INPP5B: variants seen among roughly 807,000 people sequenced by gnomAD.
The protein encoded by INPP5B is inositol polyphosphate-5-phosphatase B.
A neutral mutation model predicts 118.5 loss-of-function variants in INPP5B; 90 were observed. That is an observed-to-expected ratio of 0.76 (90% CI 0.64 to 0.90). The LOEUF (loss-of-function observed/expected upper bound fraction) is 0.90, where lower values mean the gene tolerates loss of function less well. INPP5B is among the 40% of genes least tolerant of loss of function. The pLI, the probability that INPP5B is intolerant of heterozygous loss-of-function variation, is 0.00. For missense variants in INPP5B, 984 were observed against 1,125.6 expected (o/e 0.87, Z 1.80); for synonymous variants, 385 against 418.9 (o/e 0.92, Z 0.99).
chr1:37,887,105 C>A, intron 11 of INPP5B, 101 bp from the exon 12 acceptor site: 1 of 928,824 alleles, frequency 1.1e-6, no homozygotes, highest in South Asian at 1.5e-5. Flanking sequence ...TCACGTGTCT[C>A]CTTCTCCACA....
chr1:37,875,129 C>T (rs1294239436), intron 17 of INPP5B, among the ~76,000 whole-genome samples: 1 of 152,188 alleles, frequency 6.6e-6, no homozygotes, highest in South Asian at 2.1e-4. Flanking sequence ...CCTCTCTCTT[C>T]TCAGCTAACA....
chr1:37,919,292 G>A (rs1644975072), intron 7 of INPP5B, among the ~76,000 whole-genome samples: 1 of 152,124 alleles, frequency 6.6e-6, no homozygotes, highest in South Asian at 2.1e-4. Flanking sequence ...CTAGGAGGAG[G>A]TGTCCCCTCC....
chr1:37,863,739 G>A (rs773694253), intron 23 of INPP5B, among the ~76,000 whole-genome samples: 70 of 150,862 alleles, frequency 4.6e-4, no homozygotes, highest in African/African-American at 1.5e-3. Context: ...ACAAAACCAC[G>A]GTATTATAAT....
chr1:37,891,556 CCT>C (rs1643846762), intron 7 of INPP5B, 102 bp from the exon 8 acceptor site: 1 of 744,790 alleles, frequency 1.3e-6, no homozygotes, highest in African/African-American at 1.8e-5. Flanking sequence ...AGGTGGATCA[CCT>C]GAGGTCGGGA....
intron 17 of INPP5B, among the ~76,000 whole-genome samples, chr1:37,875,160 A>G (rs979862335): frequency 6.6e-6 from 1 of 152,220 alleles, no homozygotes; most frequent in African/African-American, 2.4e-5. Context: ...CACTTTATCG[A>G]AAAGCAGTCT....
intron 7 of INPP5B, among the ~76,000 whole-genome samples, chr1:37,919,999 G>A (rs1645000115): frequency 6.6e-6 from 1 of 152,152 alleles, no homozygotes. Context: ...TACGTATTGA[G>A]CACTGTTTAA....
intron 14 of INPP5B, among the ~76,000 whole-genome samples, chr1:37,881,956 G>A (rs939370939): frequency 2.6e-5 from 4 of 152,038 alleles, no homozygotes; most frequent in African/African-American, 4.8e-5. Context: ...AAAATTAGCC[G>A]GGCATACTGG....
At chr1:37,942,754 C>G (rs1645979562) in intron 5 of INPP5B, among the ~76,000 whole-genome samples, 1 of 151,814 alleles carries the variant, frequency 6.6e-6, no homozygotes, top group Non-Finnish European at 1.5e-5. Flanking sequence ...GCAGAAAATA[C>G]AAAAATTAGC....
At chr1:37,913,214 G>A (rs1202328576) in intron 7 of INPP5B, among the ~76,000 whole-genome samples, 3 of 152,096 alleles carry the variant, frequency 2.0e-5, no homozygotes, top group Admixed American at 6.6e-5. Context: ...CCGAGATCAC[G>A]CCACTGCACT....
intron 19 of INPP5B, among the ~76,000 whole-genome samples, chr1:37,869,273 G>A (rs978857495): frequency 1.3e-5 from 2 of 151,606 alleles, no homozygotes; most frequent in Non-Finnish European, 2.9e-5. Flanking sequence ...GATTACAGGC[G>A]TGAGCCACCG....
intron 3 of INPP5B, among the ~76,000 whole-genome samples, chr1:37,945,223 G>A (rs972617283): frequency 6.6e-6 from 1 of 152,150 alleles, no homozygotes; most frequent in Non-Finnish European, 1.5e-5. Context: ...TTGAGGTCAG[G>A]ACTTCAAGAC....
In INPP5B at chr1:37,909,904, C is replaced by T. The variant is rs187982599; in HGVS notation, c.533-18450G>A. ...CAGGGGTCAGGCATTCCTCCAGGAC[C>T]GCCTCCCCAGGATCTTGCTTCTAGT... is the stretch of plus-strand genomic sequence containing the variant. On this transcript the variant is annotated intron_variant, in intron 7 of 23. Transcript: ENST00000373024. 2.5e-3 allele frequency among the ~76,000 whole-genome samples: 381 copies of T among 152,296 alleles called. 3 individuals are homozygous for T. The highest frequency in any genetic ancestry group is 2.7e-3 in the Non-Finnish European group (184 of 68,022).
intron 16 of INPP5B, among the ~76,000 whole-genome samples, chr1:37,876,703 C>CAAAAAAA (rs754849945): frequency 3.7e-5 from 3 of 80,812 alleles, no homozygotes; most frequent in Non-Finnish European, 6.5e-5. Flanking sequence ...ACTAAAAATA[C>CAAAAAAA]AAAAAAAAAA....
intron 3 of INPP5B, among the ~76,000 whole-genome samples, chr1:37,944,966 T>G (rs1023262336): frequency 6.6e-6 from 1 of 152,114 alleles, no homozygotes; most frequent in Non-Finnish European, 1.5e-5. Context: ...GTAAAACAAC[T>G]TGCTCAAGAT....
At chr1:37,930,018 G>A (rs1645389827) in intron 7 of INPP5B, 2 of 152,218 alleles carry the variant, frequency 1.3e-5, no homozygotes, top group African/African-American at 2.4e-5. Flanking sequence ...ACAGGCATGA[G>A]TCACCACGCC....
chr1:37,888,523 T>C (rs1643665916), intron 9 of INPP5B, among the ~76,000 whole-genome samples, 179 bp from the exon 10 acceptor site: 1 of 152,208 alleles, frequency 6.6e-6, no homozygotes, highest in Non-Finnish European at 1.5e-5. Context: ...CGGTCTGTCA[T>C]GGTATCTGTT....
rs111681950 is a variant in INPP5B, at chr1:37,861,686, C to T, written c.*629G>A. On this transcript the variant is annotated 3_prime_UTR_variant, in exon 24 of 24. Coordinates refer to ENST00000373024, the MANE Select transcript of INPP5B (RefSeq NM_005540.3). ...CAGAGGTTGCAGTGAGCCAAGACCACGCCAACGCACTCCAGCCTGGGCAAC... is the reference window on the plus strand; with the variant it reads ...CAGAGGTTGCAGTGAGCCAAGACCATGCCAACGCACTCCAGCCTGGGCAAC... 14,430 of 145,264 alleles carry T rather than the reference C, an allele frequency of 0.099. 862 individuals are homozygous for T. Among genetic ancestry groups the T allele is most frequent in the Middle Eastern group, 0.27 (70 of 262 alleles). The allele number at this position is 145,264 out of a possible 1,614,324, so 9.0% of individuals were successfully genotyped here.
intron 12 of INPP5B, among the ~76,000 whole-genome samples, chr1:37,886,104 G>T (rs184713328): frequency 6.6e-6 from 1 of 152,126 alleles, no homozygotes; most frequent in East Asian, 1.9e-4. Flanking sequence ...TTGAACGCGG[G>T]AGGGAGAGGT....
intron 7 of INPP5B, among the ~76,000 whole-genome samples, chr1:37,906,870 AAAAG>A (rs1160679030): frequency 6.6e-6 from 1 of 151,634 alleles, no homozygotes; most frequent in Non-Finnish European, 1.5e-5. Flanking sequence ...AAAAAAAAAA[AAAAG>A]AAAGAAAGAA....
Sources: gnomAD v4.1 joint callset for allele counts (sites outside exome capture counted in the v4.1 genomes callset) on GRCh38, gnomAD v4.1.1 for gene constraint, MANE v1.5 for transcripts, NCBI Gene and HGNC (gene_info 2026-07-23, HGNC 2026-07-21) for gene names.